Variants in KAZN observed in about 807,000 individuals in gnomAD.
KAZN encodes kazrin, periplakin interacting protein, also known as kazrin.
KAZN carries 40 observed loss-of-function variants against 87.4 expected under a neutral mutation model. The observed-to-expected ratio is 0.46, with a 90% CI of 0.36 to 0.60. KAZN has a LOEUF of 0.60. Among genes scored for constraint, KAZN ranks in the 20% least tolerant of loss-of-function variants. The probability of loss-of-function intolerance (pLI) is 0.00; values close to 1 mark genes in which losing one functional copy is unlikely to be tolerated. For missense variants in KAZN, 898 were observed against 1,073.9 expected, an observed-to-expected ratio of 0.84 and a Z score of 2.29; for synonymous variants, 466 against 458.3, an observed-to-expected ratio of 1.02 and a Z score of -0.22.
At chr1:14,300,872 G>T (rs566139986) in intron 2 of KAZN, among the ~76,000 whole-genome samples, 1 of 152,280 alleles carries the variant, frequency 6.6e-6, no homozygotes, top group South Asian at 2.1e-4. Flanking sequence ...CATCTGTCCT[G>T]TGAACCAAGG....
chr1:14,745,261 G>GGAAAAAAAAAAAAAAAAA (rs1644229814), intron 1 of KAZN, among the ~76,000 whole-genome samples: 1 of 129,570 alleles, frequency 7.7e-6, no homozygotes, highest in Non-Finnish European at 1.6e-5. Context: ...AAGAAAAAAA[G>GGAAAAAAAAAAAAAAAAA]GAAAAAAAAA....
At chr1:15,022,481 T>A (rs973100336) in intron 2 of KAZN, among the ~76,000 whole-genome samples, 1 of 152,180 alleles carries the variant, frequency 6.6e-6, no homozygotes. Flanking sequence ...AAGCAAATGG[T>A]AGGGCCAGGC....
At chr1:14,873,145 AGGAT>A (rs1215066801) in intron 1 of KAZN, among the ~76,000 whole-genome samples, 1 of 96,394 alleles carries the variant, frequency 1.0e-5, no homozygotes, top group African/African-American at 3.5e-5. Flanking sequence ...GATGGATGGA[AGGAT>A]GGATGGATGG....
chr1:14,514,414 A>ATTATATATATATTTACATAT, intron 2 of KAZN, among the ~76,000 whole-genome samples: 1 of 27,398 alleles, frequency 3.6e-5, no homozygotes, highest in African/African-American at 1.0e-4. Flanking sequence ...TATAATATAT[A>ATTATATATATATTTACATAT]AATATATATA....
At chr1:14,105,688 A>G (rs1363939914) in intron 1 of KAZN, among the ~76,000 whole-genome samples, 2 of 152,214 alleles carry the variant, frequency 1.3e-5, no homozygotes, top group East Asian at 1.9e-4. Context: ...ACATCTTCCA[A>G]TTAAGACAAT....
At chr1:14,804,121 C>A (rs1210938922) in intron 1 of KAZN, among the ~76,000 whole-genome samples, 1 of 152,186 alleles carries the variant, frequency 6.6e-6, no homozygotes, top group East Asian at 1.9e-4. Context: ...TCTGTTGGAC[C>A]CCTGGTGTCA....
chr1:14,650,672 T>A (rs1638305929), intron 1 of KAZN, among the ~76,000 whole-genome samples: 2 of 152,224 alleles, frequency 1.3e-5, no homozygotes, highest in Non-Finnish European at 2.9e-5. Context: ...CCAACTAACA[T>A]GGAGGCTATG....
chr1:14,346,607 T>C (rs1244469943), intron 2 of KAZN, among the ~76,000 whole-genome samples: 2 of 152,114 alleles, frequency 1.3e-5, no homozygotes, highest in East Asian at 3.9e-4. Context: ...CAGTAAGATA[T>C]GACTTCCAGC....
chr1:14,867,724 A>ATCT (rs35065469), intron 1 of KAZN, among the ~76,000 whole-genome samples: 1 of 107,422 alleles, frequency 9.3e-6, no homozygotes, highest in African/African-American at 3.7e-5. Flanking sequence ...CTTTGAAGAC[A>ATCT]CCCCCCCCCC....
intron 1 of KAZN, among the ~76,000 whole-genome samples, chr1:14,886,749 C>G (rs751765474): frequency 6.6e-6 from 1 of 152,152 alleles, no homozygotes; most frequent in Non-Finnish European, 1.5e-5. Context: ...CAAGATCGTG[C>G]CGTTATACTC....
chr1:13,971,606 G>T (rs200127583), intron 1 of KAZN, among the ~76,000 whole-genome samples: 3,504 of 130,738 alleles, frequency 0.027, 110 homozygotes, highest in African/African-American at 0.076. Context: ...TTTTTTTTTT[G>T]TTGTTGTTGT....
intron 1 of KAZN, among the ~76,000 whole-genome samples, chr1:13,941,211 A>AAC (rs1557734900): frequency 3.7e-4 from 56 of 150,798 alleles, no homozygotes; most frequent in South Asian, 2.3e-3. Context: ...ACAACAACAA[A>AAC]AAAAAAACAA....
chr1:14,213,065 C>T (rs758494830), intron 2 of KAZN, among the ~76,000 whole-genome samples: 1 of 152,108 alleles, frequency 6.6e-6, no homozygotes, highest in Admixed American at 6.6e-5. Context: ...AGGATACATA[C>T]CTGTATTTAG....
chr1:14,392,568 C>G (rs1662541298), intron 2 of KAZN, among the ~76,000 whole-genome samples: 1 of 152,110 alleles, frequency 6.6e-6, no homozygotes. Flanking sequence ...GCCATGATTT[C>G]TGAGCCATGG....
At chr1:14,894,236 G>A (rs1223769399) in intron 1 of KAZN, among the ~76,000 whole-genome samples, 2 of 151,642 alleles carry the variant, frequency 1.3e-5, no homozygotes, top group African/African-American at 4.9e-5. Flanking sequence ...CCGCAGCCTC[G>A]CCTGCCTGAC....
intron 2 of KAZN, among the ~76,000 whole-genome samples, chr1:14,232,280 A>G (rs535084464): frequency 2.0e-5 from 3 of 152,290 alleles, no homozygotes; most frequent in South Asian, 2.1e-4. Context: ...TGCCTATTGC[A>G]GAGGTGGGGG....
At chr1:14,371,251 C>T (rs1660460880) in intron 2 of KAZN, among the ~76,000 whole-genome samples, 1 of 152,154 alleles carries the variant, frequency 6.6e-6, no homozygotes, top group African/African-American at 2.4e-5. Flanking sequence ...GAGGACCACA[C>T]TTTGAGAGCT....
chr1:14,063,936 A>G (rs760982911), intron 1 of KAZN, among the ~76,000 whole-genome samples: 9 of 147,272 alleles, frequency 6.1e-5, no homozygotes, highest in Non-Finnish European at 8.9e-5. Flanking sequence ...GGAACTGTGA[A>G]TCTACGAAAC....
chr1:14,855,782 G>C (rs767320968), intron 1 of KAZN, among the ~76,000 whole-genome samples: 4 of 152,210 alleles, frequency 2.6e-5, no homozygotes, highest in African/African-American at 4.8e-5. Context: ...AGTGCACATG[G>C]GGAATAGCAG....
Sources: allele counts gnomAD v4.1 joint callset (sites outside exome capture counted in the v4.1 genomes callset), GRCh38; gene constraint gnomAD v4.1.1; transcripts MANE v1.5; gene names NCBI Gene and HGNC (gene_info 2026-07-23, HGNC 2026-07-21).